TACC1: variants seen among roughly 807,000 people sequenced by gnomAD.
The protein encoded by TACC1 is transforming acidic coiled-coil containing protein 1.
Under a neutral mutation model 84.4 loss-of-function variants are expected in TACC1, and 48 were observed. The ratio of observed to expected loss-of-function variants is 0.57; its 90% CI spans 0.45 to 0.72. TACC1 has a LOEUF of 0.72. Among genes scored for constraint, TACC1 ranks in the 30% least tolerant of loss-of-function variants. The pLI, the probability that TACC1 is intolerant of heterozygous loss-of-function variation, is 0.00. For missense variants in TACC1, 920 were observed against 973.0 expected (o/e 0.95, Z 0.72); for synonymous variants, 372 against 376.3 (o/e 0.99, Z 0.13).
At chr8:38,742,940 C>G (rs1807359332) in intron 2 of TACC1, among the ~76,000 whole-genome samples, 1 of 152,170 alleles carries the variant, frequency 6.6e-6, no homozygotes, top group Admixed American at 6.5e-5. Flanking sequence ...GTCTCGAACT[C>G]CTGACCTCAA....
chr8:38,840,381 T>G, intron 9 of TACC1, 114 bp downstream of exon 9: 1 of 939,996 alleles, frequency 1.1e-6, no homozygotes, highest in South Asian at 1.4e-5. Context: ...CAAACATTTT[T>G]CATAGCTCTG....
At chr8:38,826,672 C>T (rs922199417) in intron 4 of TACC1, among the ~76,000 whole-genome samples, 2 of 152,218 alleles carry the variant, frequency 1.3e-5, no homozygotes, top group Admixed American at 6.5e-5. Flanking sequence ...AAATTTCTGA[C>T]TTATTCAGGA....
At chr8:38,762,016 T>C (rs1019770201) in intron 3 of TACC1, among the ~76,000 whole-genome samples, 7 of 152,190 alleles carry the variant, frequency 4.6e-5, no homozygotes, top group African/African-American at 1.7e-4. Context: ...CTACTGAATT[T>C]AGATATTGCA....
In TACC1 at chr8:38,787,412, G is replaced by T. The variant is rs1319151913; in HGVS notation, c.-171G>T. ...GGAGGACGCAGCGCCGGCTGCCGGC[G>T]GGAGGAAGCGCTCCACCAGGGCCCC... On this transcript the variant is annotated 5_prime_UTR_variant, in exon 1 of 13. Coordinates refer to ENST00000317827, the MANE Select transcript of TACC1 (RefSeq NM_006283.3). 7 of 1,351,712 alleles carry T rather than the reference G, an allele frequency of 5.2e-6. No homozygotes were observed. In the East Asian group the frequency reaches 2.2e-4, roughly 42 times the overall value. The allele number at this position is 1,351,712 out of a possible 1,614,324, so 83.7% of individuals were successfully genotyped here.
chr8:38,808,122 G>A (rs1015231509), intron 2 of TACC1, among the ~76,000 whole-genome samples: 1 of 152,208 alleles, frequency 6.6e-6, no homozygotes, highest in Non-Finnish European at 1.5e-5. Context: ...CAAGCCGCCA[G>A]GCAATGCTGT....
intron 2 of TACC1, among the ~76,000 whole-genome samples, chr8:38,815,664 C>T (rs548824091): frequency 6.6e-6 from 1 of 152,204 alleles, no homozygotes; most frequent in Non-Finnish European, 1.5e-5. Flanking sequence ...GGTGATCTGC[C>T]CGCCTCGGCC....
intron 3 of TACC1, among the ~76,000 whole-genome samples, chr8:38,766,321 G>A (rs1360521592): frequency 6.6e-6 from 1 of 152,186 alleles, no homozygotes; most frequent in African/African-American, 2.4e-5. Flanking sequence ...TGCTACATAT[G>A]ATATTAATGA....
intron 1 of TACC1, chr8:38,728,680 CG>C (rs1264821298): frequency 6.6e-6 from 1 of 152,286 alleles, no homozygotes. Flanking sequence ...AGGTAGGAAA[CG>C]GGGGACTGCA....
At chr8:38,735,084 T>C (rs1805708477) in intron 1 of TACC1, among the ~76,000 whole-genome samples, 1 of 152,200 alleles carries the variant, frequency 6.6e-6, no homozygotes, top group Non-Finnish European at 1.5e-5. Flanking sequence ...AGATGCATCT[T>C]AGTTCATACA....
intron 2 of TACC1, among the ~76,000 whole-genome samples, chr8:38,809,197 C>CAT (rs1335084075): frequency 2.6e-5 from 4 of 152,192 alleles, no homozygotes; most frequent in Non-Finnish European, 4.4e-5. Flanking sequence ...GCTAACTTTG[C>CAT]ATAAATCTCT....
chr8:38,790,294 C>T (rs756017964), intron 2 of TACC1, among the ~76,000 whole-genome samples: 1 of 152,178 alleles, frequency 6.6e-6, no homozygotes, highest in South Asian at 2.1e-4. Context: ...TCCAGTTTGA[C>T]CTCATCTTAA....
At chr8:38,787,192 G>T, upstream of TACC1, 4 of 987,222 alleles carry the variant, frequency 4.1e-6, no homozygotes, top group Non-Finnish European at 4.8e-6. Context: ...TCTGGGGCGC[G>T]GCTCCGGCGG....
At position 38,774,619 on chromosome 8, in the gene TACC1, A is replaced by C. The variant is rs911966793; in HGVS notation, c.27-14085A>C. Among the ~76,000 whole-genome samples, 4 of 152,190 alleles carry C rather than the reference A, an allele frequency of 2.6e-5. No homozygotes were observed. The South Asian group carries it at 8.3e-4, about 31-fold the overall frequency. On this transcript the variant is annotated intron_variant, in intron 3 of 14. Coordinates refer to the TACC1 transcript ENST00000518415. ...ATGATCCTCCCATCTTGGCCTCCCAAGTAGCTAGGACTACAGGTGTGCATT... is the reference window on the plus strand; with the variant it reads ...ATGATCCTCCCATCTTGGCCTCCCACGTAGCTAGGACTACAGGTGTGCATT...
At chr8:38,817,098 T>C (rs1825602405) in intron 2 of TACC1, among the ~76,000 whole-genome samples, 1 of 152,206 alleles carries the variant, frequency 6.6e-6, no homozygotes, top group African/African-American at 2.4e-5. Flanking sequence ...GTATTTTTAT[T>C]ATACCACCTG....
At chr8:38,817,558 T>A (rs1825706781) in intron 2 of TACC1, among the ~76,000 whole-genome samples, 1 of 152,170 alleles carries the variant, frequency 6.6e-6, no homozygotes, top group African/African-American at 2.4e-5. Context: ...ATACTTACTA[T>A]CTCTTTTTTA....
At chr8:38,806,772 C>T (rs867599181) in intron 2 of TACC1, among the ~76,000 whole-genome samples, 3 of 152,116 alleles carry the variant, frequency 2.0e-5, no homozygotes, top group Admixed American at 6.5e-5. Flanking sequence ...TCTGATTCTC[C>T]AGCCCCAGCT....
chr8:38,758,426 C>A (rs1011614938), intron 3 of TACC1, among the ~76,000 whole-genome samples: 4 of 152,052 alleles, frequency 2.6e-5, no homozygotes, highest in Admixed American at 2.0e-4. Flanking sequence ...GCCTGTAATC[C>A]CAGCACTTTG....
intron 3 of TACC1, chr8:38,757,233 C>CCCCCCCAACA: frequency 1.9e-6 from 1 of 516,058 alleles, no homozygotes; most frequent in Non-Finnish European, 2.8e-6. Context: ...TCCCTCGCCC[C>CCCCCCCAACA]ACCCTTCCTC....
intron 2 of TACC1, among the ~76,000 whole-genome samples, chr8:38,806,747 C>G (rs1822845355): frequency 6.6e-6 from 1 of 152,176 alleles, no homozygotes; most frequent in African/African-American, 2.4e-5. Flanking sequence ...ATGCGGTTCT[C>G]TTCTATACCA....
Sources: gnomAD v4.1 joint callset for allele counts (sites outside exome capture counted in the v4.1 genomes callset) on GRCh38, gnomAD v4.1.1 for gene constraint, MANE v1.5 for transcripts, NCBI Gene and HGNC (gene_info 2026-07-23, HGNC 2026-07-21) for gene names.